The following DDX27 variants were observed in gnomAD, a reference collection of about 807,000 sequenced individuals.
DDX27 encodes probable ATP-dependent RNA helicase DDX27.
In DDX27, 42 loss-of-function variants were observed where a neutral mutation model predicts 99.3. The observed-to-expected ratio is 0.42, with a 90% CI of 0.33 to 0.55. The LOEUF (loss-of-function observed/expected upper bound fraction) is 0.55. DDX27 is among the 20% of genes least tolerant of loss of function. The pLI is 0.07. For synonymous variants in DDX27, 329 were observed against 353.8 expected (o/e 0.93, Z 0.79); for missense variants, 798 against 976.8 (o/e 0.82, Z 2.44).
chr20:49,219,690 GT>G (rs761065788), intron 1 of DDX27, 149 bp downstream of exon 1: 1 of 808,424 alleles, frequency 1.2e-6, no homozygotes, highest in Non-Finnish European at 1.8e-6. Flanking sequence ...ATCTTCCTCA[GT>G]TTCCCCGCCA....
chr20:49,233,381 C>T lies in DDX27; in HGVS notation c.1107C>T (p.Leu369=). 2 of 1,614,078 alleles carry T rather than the reference C, an allele frequency of 1.2e-6. No homozygotes were observed. The highest frequency in any genetic ancestry group is 2.2e-5 in the South Asian group (2 of 91,082). Residue 369 remains leucine (L), a synonymous_variant, in exon 10 of 21, where the codon CTC becomes CTT. Transcript: ENST00000618172. Reference sequence around the variant, plus strand: ...GTTCCCACCACCGCCAGACCATGCTCTTCTCGGCCACCATGACAGACGAGG... The same window carrying T: ...GTTCCCACCACCGCCAGACCATGCTTTTCTCGGCCACCATGACAGACGAGG... The part of the protein sequence containing the change: ...RMCSHHRQTM[L]FSATMTDEVK...
chr20:49,240,297 T>A (rs1394768864), intron 16 of DDX27, among the ~76,000 whole-genome samples: 1 of 152,212 alleles, frequency 6.6e-6, no homozygotes, highest in Non-Finnish European at 1.5e-5. Context: ...AGATATTTAA[T>A]ACAGATTTCC....
intron 10 of DDX27, 43 bp from the exon 11 acceptor site, chr20:49,233,525 C>T (rs141740882): frequency 1.2e-6 from 2 of 1,603,674 alleles, no homozygotes; most frequent in East Asian, 4.5e-5. Context: ...CCTTCCCTAC[C>T]ACCTTGCAGA....
chr20:49,238,957 C>T lies in DDX27; in HGVS notation c.1696C>T (p.Leu566Phe). The change falls in exon 15 of 21, where the codon CTC (leucine) becomes TTC (phenylalanine). Residue 566 changes from leucine (L) to phenylalanine (F), a missense_variant. Physicochemically the swap from Leu to Phe is conservative, Grantham distance 22 (BLOSUM62 0). Transcript: ENST00000618172. ...KARILPQDVI[L>F]KFRDKIEKME... ...TATTTTCTCCCATTGAGATGTCATC[C>T]TCAAATTCCGGGACAAGATTGAGAA... 1.2e-6 allele frequency: 2 copies of T among 1,613,478 alleles called. No homozygotes were observed. The highest frequency in any genetic ancestry group is 2.7e-5 in the African/African-American group (2 of 74,960).
In DDX27 at chr20:49,234,971, T is replaced by C; in HGVS notation, c.1310T>C (p.Leu437Pro). Reference protein sequence around the residue: ...LTRTFTDHVMLFTQTKKQAHR... With the variant: ...LTRTFTDHVMPFTQTKKQAHR... ...AGGACCTTCACTGACCATGTGATGC[T>C]GTTCACGCAAACCAAGAAGCAGGCC... is the stretch of plus-strand genomic sequence containing the variant. The change falls in exon 12 of 21, where the codon CTG becomes CCG. Residue 437 changes from leucine (L) to proline (P), a missense_variant. Physicochemically the swap from Leu to Pro is moderately conservative, Grantham distance 98 (BLOSUM62 -3). Coordinates refer to ENST00000618172, the MANE Select transcript of DDX27 (RefSeq NM_017895.8). 1 of 1,612,890 alleles carries C rather than the reference T, an allele frequency of 6.2e-7. No homozygotes were observed. Among genetic ancestry groups the C allele is most frequent in the Non-Finnish European group, 8.5e-7 (1 of 1,179,392 alleles).
Position 49,243,801 on chromosome 20 carries a change from C to T in DDX27, c.2280-15C>T, listed in dbSNP as rs200686227. The T allele has an allele frequency of 1.0e-4, 167 of 1,614,054 alleles. No homozygotes were observed. The highest frequency in any genetic ancestry group is 1.3e-4 in the Non-Finnish European group (154 of 1,180,034). ...CTCCATCCTCATTCTGGTCTTAACT[C>T]TGATTTTCTTACAGATACAAGAGGA... On this transcript the variant is annotated splice_polypyrimidine_tract_variant and intron_variant, in intron 20 of 20. Transcript: ENST00000618172.
intron 8 of DDX27, 95 bp downstream of exon 8, chr20:49,228,983 C>A: frequency 8.6e-7 from 1 of 1,160,850 alleles, no homozygotes; most frequent in Non-Finnish European, 1.2e-6. Flanking sequence ...GTGACAGGTG[C>A]CAGGAGAGGC....
In DDX27 at chr20:49,228,733, C is replaced by T; in HGVS notation, c.725C>T (p.Ala242Val). The part of the protein sequence containing the change: ...ATGTGKTAAF[A>V]LPVLERLIYK... ...CCTCCAGGTAAAACTGCCGCCTTTG[C>T]CCTGCCTGTTTTGGAGCGTCTGATT... The change falls in exon 8 of 21, where the codon GCC becomes GTC. Residue 242 changes from alanine (A) to valine (V), a missense_variant. By Grantham distance (64) the Ala-to-Val change is moderately conservative. Around this residue, in one of 2 missense-constraint regions of DDX27, gnomAD observed 553 missense variants for 727.9 expected, o/e 0.76. Coordinates refer to ENST00000618172, the MANE Select transcript of DDX27 (RefSeq NM_017895.8). The T allele has an allele frequency of 6.2e-7, 1 of 1,607,468 alleles. No homozygotes were observed. The highest frequency in any genetic ancestry group is 8.5e-7 in the Non-Finnish European group (1 of 1,175,532).
Position 49,243,659 on chromosome 20 carries a change from C to T in DDX27, c.2235C>T (p.Gly745=). 6.2e-7 allele frequency: 1 copy of T among 1,614,188 alleles called. No homozygotes were observed. The highest frequency in any genetic ancestry group is 8.5e-7 in the Non-Finnish European group (1 of 1,180,028). The change falls in exon 20 of 21, where the codon GGC becomes GGT. Residue 745 remains glycine (G), a synonymous_variant. Coordinates refer to ENST00000618172, the MANE Select transcript of DDX27 (RefSeq NM_017895.8). The part of the protein sequence containing the change: ...GPSFEERKQL[G]LPHQRRGGNF... Reference sequence around the variant, plus strand: ...CCTTTGAAGAAAGGAAACAGTTGGGCTTGCCCCACCAGAGACGAGGAGGAA... The same window carrying T: ...CCTTTGAAGAAAGGAAACAGTTGGGTTTGCCCCACCAGAGACGAGGAGGAA...
At chr20:49,240,332 C>T (rs573356587) in intron 16 of DDX27, among the ~76,000 whole-genome samples, 1 of 152,124 alleles carries the variant, frequency 6.6e-6, no homozygotes, top group East Asian at 1.9e-4. Context: ...TAAAAAAGAC[C>T]CAAAACACTT....
At chr20:49,242,513 G>T in intron 18 of DDX27, 81 bp from the exon 19 acceptor site, 1 of 1,371,348 alleles carries the variant, frequency 7.3e-7, no homozygotes, top group Non-Finnish European at 1.0e-6. Context: ...CACTGAACTT[G>T]GAATCATTAC....
intron 4 of DDX27, among the ~76,000 whole-genome samples, chr20:49,224,387 A>C (rs1207160498): frequency 3.2e-5 from 4 of 123,870 alleles, no homozygotes; most frequent in African/African-American, 1.2e-4. Flanking sequence ...TTTGAGATGG[A>C]GTCTTACTCT....
At chr20:49,229,980 C>T (rs557613165) in intron 8 of DDX27, among the ~76,000 whole-genome samples, 1 of 152,302 alleles carries the variant, frequency 6.6e-6, no homozygotes, top group East Asian at 1.9e-4. Context: ...GCTTTTGTGT[C>T]ATCATCATTG....
chr20:49,224,036 G>A (rs914751530), intron 4 of DDX27, among the ~76,000 whole-genome samples: 8 of 151,760 alleles, frequency 5.3e-5, no homozygotes, highest in East Asian at 3.9e-4. Context: ...ATGCCCCTGC[G>A]CCTGGCTAAT....
At chr20:49,242,271 A>G in intron 18 of DDX27, 65 bp downstream of exon 18, 1 of 1,589,164 alleles carries the variant, frequency 6.3e-7, no homozygotes. Context: ...GCTTTGGGTC[A>G]GGGAGAAAAT....
intron 19 of DDX27, 79 bp downstream of exon 19, chr20:49,242,760 T>C: frequency 7.6e-7 from 1 of 1,307,420 alleles, no homozygotes; most frequent in Non-Finnish European, 1.1e-6. Flanking sequence ...TCTCGCTCTG[T>C]CGCCCAGGGT....
In DDX27 at chr20:49,230,116, G is replaced by A. The variant is rs780478268; in HGVS notation, c.881-83G>A. ...CAGTGGTTTTCTCTGCATCTGGCCT[G>A]AGGCCTGGTGAGTGGCTGGTGCTCA... On this transcript the variant is annotated intron_variant, in intron 8 of 20. Coordinates refer to ENST00000618172, the MANE Select transcript of DDX27 (RefSeq NM_017895.8). 6 of 1,475,490 alleles carry A rather than the reference G, an allele frequency of 4.1e-6. No individual in the cohort carries two copies. In the Admixed American group the frequency reaches 1.4e-4, roughly 33 times the overall value. 91.4% of individuals were successfully genotyped at this position (1,475,490 alleles called of 1,614,324 possible).
intron 2 of DDX27, 120 bp downstream of exon 2, chr20:49,221,718 C>T: frequency 1.3e-6 from 1 of 773,830 alleles, no homozygotes; most frequent in Non-Finnish European, 1.9e-6. Context: ...ACTACAACTC[C>T]TTTGAAAATA....
chr20:49,222,938 T>A lies in DDX27; in HGVS notation c.241-19T>A, dbSNP rs1176258247. ...TTTCAATGAAAATTTCTTTTTCACC[T>A]CTTTATTTTTATCTGCAGAGGGCAG... On this transcript the variant is annotated intron_variant, in intron 2 of 20. Coordinates refer to ENST00000618172, the MANE Select transcript of DDX27 (RefSeq NM_017895.8). 6.3e-7 allele frequency: 1 copy of A among 1,584,874 alleles called. No homozygotes were observed. The highest frequency in any genetic ancestry group is 8.6e-7 in the Non-Finnish European group (1 of 1,168,930).
Sources: allele counts gnomAD v4.1 joint callset (sites outside exome capture counted in the v4.1 genomes callset), GRCh38; gene constraint gnomAD v4.1.1; regional missense constraint gnomAD v4.1.1; transcripts MANE v1.5; gene names NCBI Gene and HGNC (gene_info 2026-07-23, HGNC 2026-07-21).